Variants in MYT1L observed in about 807,000 individuals in gnomAD.
The protein encoded by MYT1L is myelin transcription factor 1-like protein.
Under a neutral mutation model 126.7 loss-of-function variants are expected in MYT1L, and 12 were observed. The observed-to-expected ratio is 0.09, with a 90% CI of 0.06 to 0.15. The LOEUF (loss-of-function observed/expected upper bound fraction) is 0.15, where lower values mean the gene tolerates loss of function less well. Ranked by LOEUF, MYT1L falls within the 10% of genes least tolerant of loss-of-function variation. The pLI is 1.00. For missense variants in MYT1L, 979 were observed against 1,585.2 expected (o/e 0.62, Z 6.49); for synonymous variants, 541 against 604.2 (o/e 0.90, Z 1.53).
At chr2:2,265,254 C>T (rs1468074512) in intron 2 of MYT1L, among the ~76,000 whole-genome samples, 2 of 151,840 alleles carry the variant, frequency 1.3e-5, no homozygotes, top group Admixed American at 6.6e-5. Flanking sequence ...GTGATCCACC[C>T]GCCTCGGTCT....
chr2:2,147,785 T>C (rs535489466), intron 3 of MYT1L, among the ~76,000 whole-genome samples: 7 of 152,268 alleles, frequency 4.6e-5, no homozygotes, highest in East Asian at 1.9e-4. Context: ...CTGGGGCACA[T>C]AGCAAGCAGC....
At chr2:2,110,492 G>A (rs1035414197) in intron 3 of MYT1L, among the ~76,000 whole-genome samples, 1 of 151,858 alleles carries the variant, frequency 6.6e-6, no homozygotes, top group Non-Finnish European at 1.5e-5. Flanking sequence ...TCGCTTTTCT[G>A]CTCTCACTCG....
intron 3 of MYT1L, among the ~76,000 whole-genome samples, chr2:2,169,705 T>C (rs1208364283): frequency 2.0e-5 from 3 of 152,138 alleles, no homozygotes; most frequent in Non-Finnish European, 4.4e-5. Context: ...CCGAATGGAA[T>C]CCCACCCCAC....
intron 18 of MYT1L, among the ~76,000 whole-genome samples, chr2:1,885,794 A>G (rs2048098759): frequency 6.6e-6 from 1 of 152,138 alleles, no homozygotes; most frequent in African/African-American, 2.4e-5. Context: ...GTGCACCTGC[A>G]CGTATGCTCT....
chr2:2,042,506 C>A (rs1323497163), intron 4 of MYT1L, among the ~76,000 whole-genome samples: 1 of 152,174 alleles, frequency 6.6e-6, no homozygotes, highest in East Asian at 1.9e-4. Flanking sequence ...AATTCAGTCA[C>A]ACTAATTTAC....
intron 5 of MYT1L, among the ~76,000 whole-genome samples, chr2:1,991,278 GC>G (rs1388177690): frequency 6.6e-6 from 1 of 152,014 alleles, no homozygotes; most frequent in Non-Finnish European, 1.5e-5. Context: ...CCCTGCCGCC[GC>G]CCCCTCTTGT....
intron 18 of MYT1L, among the ~76,000 whole-genome samples, chr2:1,861,997 A>ATCTGCCTGCAGCCTGTGTAATCCT (rs1558192114): frequency 5.2e-4 from 79 of 151,090 alleles, no homozygotes; most frequent in Admixed American, 7.9e-4. Flanking sequence ...GTAATCCTGG[A>ATCTGCCTGCAGCCTGTGTAATCCT]ATTCGCTGAG....
At chr2:2,219,543 A>G (rs1250888603) in intron 2 of MYT1L, among the ~76,000 whole-genome samples, 1 of 152,242 alleles carries the variant, frequency 6.6e-6, no homozygotes, top group Non-Finnish European at 1.5e-5. Context: ...TAGCCTAAAT[A>G]TTTGCCCTGG....
At chr2:1,988,967 G>T (rs2061264093) in intron 5 of MYT1L, among the ~76,000 whole-genome samples, 1 of 152,168 alleles carries the variant, frequency 6.6e-6, no homozygotes, top group South Asian at 2.1e-4. Flanking sequence ...CCCTTCTTAT[G>T]TAGGGTAAGA....
chr2:1,879,871 G>A (rs1413593987), intron 18 of MYT1L, among the ~76,000 whole-genome samples: 1 of 152,122 alleles, frequency 6.6e-6, no homozygotes, highest in Non-Finnish European at 1.5e-5. Flanking sequence ...TTGTTTGAAA[G>A]TATGCAATAC....
intron 2 of MYT1L, among the ~76,000 whole-genome samples, chr2:2,279,537 G>A (rs1308312980): frequency 6.7e-6 from 1 of 148,614 alleles, no homozygotes; most frequent in Non-Finnish European, 1.5e-5. Flanking sequence ...AAGGAGGAAG[G>A]AGAGAGAGAA....
chr2:1,910,248 G>C lies in MYT1L; in HGVS notation c.1809C>G (p.Arg603=). Residue 603 remains arginine (R), a synonymous_variant, in exon 13 of 25, where the codon CGC becomes CGG. Transcript: ENST00000647738. This position sits in a 1 kb window ranked among gnomAD's most constrained non-coding sequence, Gnocchi z 4.8. ...DVSKSSQASD[R]VLRPMCFVKQ... is the part of the protein sequence containing the mutation. ...GCACTCCTGCTGGGTACCTGAGCAC[G>C]CGGTCCGAGGCCTGGCTGGACTTGG... The C allele has an allele frequency of 6.2e-7, 1 of 1,612,926 alleles. No individual in the cohort carries two copies.
chr2:1,898,765 C>T (rs1447605220), intron 14 of MYT1L, among the ~76,000 whole-genome samples: 6 of 152,164 alleles, frequency 3.9e-5, no homozygotes, highest in East Asian at 1.9e-4. Flanking sequence ...CACCAGGGAG[C>T]GGCCTCTGCT....
At chr2:2,255,710 A>T (rs577213808) in intron 2 of MYT1L, among the ~76,000 whole-genome samples, 30 of 152,320 alleles carry the variant, frequency 2.0e-4, no homozygotes, top group African/African-American at 6.7e-4. Context: ...CTGCAGTGAC[A>T]GGTACAGAAG....
chr2:1,938,400 A>G (rs1016142534), intron 9 of MYT1L, among the ~76,000 whole-genome samples: 1 of 152,242 alleles, frequency 6.6e-6, no homozygotes, highest in African/African-American at 2.4e-5. Context: ...ACTTTAGGAT[A>G]ACAAGGGGAT....
At chr2:1,794,980 G>A (rs373547943) in intron 23 of MYT1L, among the ~76,000 whole-genome samples, 3 of 152,200 alleles carry the variant, frequency 2.0e-5, no homozygotes, top group African/African-American at 4.8e-5. Flanking sequence ...CAGAACCGAC[G>A]GGTATCTGCC....
intron 2 of MYT1L, among the ~76,000 whole-genome samples, chr2:2,231,685 C>T (rs2094165978): frequency 6.6e-6 from 1 of 152,164 alleles, no homozygotes; most frequent in African/African-American, 2.4e-5. Context: ...TGAGCTCGAG[C>T]AATCCACCCG....
chr2:2,261,334 T>C lies in MYT1L; in HGVS notation c.-421+23070A>G, dbSNP rs139611905. ...TTGTTCAGTTGCATTATAAATCTGA[T>C]TACAGTCTTTTAGACAAATCGGAAA... On this transcript the variant is annotated intron_variant, in intron 2 of 24. Transcript: ENST00000647738. 7.2e-3 allele frequency among the ~76,000 whole-genome samples: 1,092 copies of C among 152,322 alleles called. 15 individuals are homozygous for C. The highest frequency in any genetic ancestry group is 0.025 in the African/African-American group (1,048 of 41,552).
intron 2 of MYT1L, among the ~76,000 whole-genome samples, chr2:2,195,587 G>A (rs2092764097): frequency 6.6e-6 from 1 of 152,132 alleles, no homozygotes; most frequent in South Asian, 2.1e-4. Flanking sequence ...CCAAACCTCA[G>A]GAGAAAATAA....
Sources: allele counts gnomAD v4.1 joint callset (sites outside exome capture counted in the v4.1 genomes callset), GRCh38; gene constraint gnomAD v4.1.1; non-coding constraint Gnocchi (gnomAD v3.1); transcripts MANE v1.5; gene names NCBI Gene and HGNC (gene_info 2026-07-23, HGNC 2026-07-21).